Variants in FMN1 observed in about 807,000 individuals in gnomAD.
FMN1 encodes formin 1.
A neutral mutation model predicts 132.4 loss-of-function variants in FMN1; 110 were observed. That is an observed-to-expected ratio of 0.83 (90% CI 0.71 to 0.97). The LOEUF is 0.97. Ranked by LOEUF, FMN1 falls within the 50% of genes least tolerant of loss-of-function variation. The pLI is 0.00. For synonymous variants in FMN1, 722 were observed against 651.7 expected, an observed-to-expected ratio of 1.11 and a Z score of -1.64; for missense variants, 1,792 against 1,705.3, an observed-to-expected ratio of 1.05 and a Z score of -0.90.
At chr15:33,058,008 T>A (rs2037303270) in intron 6 of FMN1, among the ~76,000 whole-genome samples, 1 of 150,580 alleles carries the variant, frequency 6.6e-6, no homozygotes, top group Non-Finnish European at 1.5e-5. Context: ...TGGAAAGGCG[T>A]GGCGGGGCTG....
intron 12 of FMN1, among the ~76,000 whole-genome samples, chr15:32,904,626 A>G: frequency 6.6e-6 from 1 of 152,140 alleles, no homozygotes; most frequent in African/African-American, 2.4e-5. Flanking sequence ...TACTCCTAAG[A>G]GATGTTGTGA....
chr15:33,011,696 T>G (rs942594370), intron 6 of FMN1, among the ~76,000 whole-genome samples: 2 of 151,866 alleles, frequency 1.3e-5, no homozygotes, highest in Non-Finnish European at 2.9e-5. Flanking sequence ...GAGAATATAC[T>G]TGCAACACCA....
chr15:32,792,422 G>A (rs1357656161), intron 19 of FMN1, among the ~76,000 whole-genome samples: 1 of 151,682 alleles, frequency 6.6e-6, no homozygotes, highest in African/African-American at 2.4e-5. Context: ...TCCAGCCTGG[G>A]CGACAGAGCA....
Position 32,773,064 on chromosome 15 carries a change from C to T in FMN1, c.*1246G>A, listed in dbSNP as rs1182351666. 4 of 152,188 alleles carry T rather than the reference C, an allele frequency of 2.6e-5. No individual in the cohort carries two copies. The highest frequency in any genetic ancestry group is 2.6e-4 in the Admixed American group (4 of 15,280). The allele number at this position is 152,188 out of a possible 1,614,324, so 9.4% of individuals were successfully genotyped here. A position where few individuals can be genotyped will look rare whatever the true frequency, so the allele number is the denominator to read the frequency against. ...CATCTCCAGTCCTCTTTCTTCACCC[C>T]TCACAAGATTTCAGAGACGTGGCTT... On this transcript the variant is annotated 3_prime_UTR_variant, in exon 21 of 21. Transcript: ENST00000616417.
At chr15:33,138,248 T>C (rs1595554366) in intron 4 of FMN1, among the ~76,000 whole-genome samples, 1 of 152,298 alleles carries the variant, frequency 6.6e-6, no homozygotes, top group East Asian at 1.9e-4. Flanking sequence ...TGACTGCCTG[T>C]ACTTGAGGGA....
chr15:33,010,913 A>G (rs2034679954), intron 6 of FMN1, among the ~76,000 whole-genome samples: 1 of 151,434 alleles, frequency 6.6e-6, no homozygotes, highest in South Asian at 2.1e-4. Context: ...AAAAAAAAAA[A>G]TAAACGCAGA....
At chr15:33,079,048 C>G (rs1023070226) in intron 5 of FMN1, among the ~76,000 whole-genome samples, 6 of 152,154 alleles carry the variant, frequency 3.9e-5, no homozygotes, top group African/African-American at 1.4e-4. Context: ...TATTTCAATT[C>G]ACTTATATAC....
intron 5 of FMN1, chr15:33,066,690 C>G (rs369064215): frequency 6.2e-7 from 1 of 1,613,628 alleles, no homozygotes; most frequent in Non-Finnish European, 8.5e-7. Context: ...AGGGCTGTCT[C>G]TGGCGACTTT....
chr15:32,920,324 G>C (rs141028897), intron 10 of FMN1, among the ~76,000 whole-genome samples: 7 of 152,124 alleles, frequency 4.6e-5, no homozygotes, highest in Non-Finnish European at 8.8e-5. Flanking sequence ...GCAGTAAGTA[G>C]ATTACTTATT....
In FMN1 at chr15:32,768,306, A is replaced by C. The variant is rs747657281; in HGVS notation, c.*6004T>G. On this transcript the variant is annotated 3_prime_UTR_variant, in exon 21 of 21. Coordinates refer to ENST00000616417, the MANE Select transcript of FMN1 (RefSeq NM_001277313.2). ...AAAGCGAACCCAGTTAACAGTCAAA[A>C]ACACATTCGTTTCATAAGAGGAAAG... 2 of 152,214 alleles carry C rather than the reference A, an allele frequency of 1.3e-5. No homozygotes were observed. Among genetic ancestry groups the C allele is most frequent in the African/African-American group, 2.4e-5 (1 of 41,442 alleles). 9.4% of individuals were successfully genotyped at this position (152,214 alleles called of 1,614,324 possible).
chr15:32,994,913 AAACT>A (rs1288872605), intron 7 of FMN1, among the ~76,000 whole-genome samples: 2 of 152,198 alleles, frequency 1.3e-5, no homozygotes, highest in African/African-American at 4.8e-5. Context: ...TCTGTAAAAT[AAACT>A]AACAATGAGT....
intron 9 of FMN1, among the ~76,000 whole-genome samples, chr15:32,953,064 T>A (rs1287059238): frequency 1.3e-5 from 2 of 152,126 alleles, no homozygotes; most frequent in African/African-American, 4.8e-5. Context: ...GGCTAAGAAA[T>A]CCAGCTGGAA....
intron 4 of FMN1, among the ~76,000 whole-genome samples, chr15:33,124,562 G>A (rs572806444): frequency 1.8e-4 from 27 of 151,948 alleles, no homozygotes; most frequent in Admixed American, 1.0e-3. Context: ...TGAGTCATCG[G>A]AGTAGGAAAG....
At position 33,153,554 on chromosome 15, in the gene FMN1, G is replaced by A. The variant is rs917840063; in HGVS notation, c.1361C>T (p.Thr454Met). The A allele has an allele frequency of 4.6e-5, 70 of 1,536,146 alleles. No homozygotes were observed. In the African/African-American group the frequency reaches 8.1e-4, roughly 18 times the overall value. ...CAACCCGGCTCTCCTCTTGTTTCTC[G>A]TTTCTGGGCGAGTGTGAGGGACACT... Reference protein sequence around the residue: ...HTSVPHTRPETRNKRRAGLPL... With the variant: ...HTSVPHTRPEMRNKRRAGLPL... The change falls in exon 4 of 21, where the codon ACG (threonine) becomes ATG (methionine). Residue 454 changes from threonine to methionine, a missense_variant. Physicochemically the swap from Thr to Met is moderately conservative, Grantham distance 81. This residue lies in a region of FMN1 where 638 missense variants were observed against 645.2 expected (regional missense o/e 0.99). Coordinates refer to ENST00000616417, the MANE Select transcript of FMN1 (RefSeq NM_001277313.2).
chr15:32,991,874 C>G (rs1394297714), intron 7 of FMN1, among the ~76,000 whole-genome samples: 1 of 152,084 alleles, frequency 6.6e-6, no homozygotes, highest in Non-Finnish European at 1.5e-5. Context: ...AAGAGAACAA[C>G]CTCTTGATCT....
intron 2 of FMN1, among the ~76,000 whole-genome samples, chr15:33,180,832 C>G (rs563817066): frequency 6.7e-6 from 1 of 148,932 alleles, no homozygotes; most frequent in Non-Finnish European, 1.5e-5. Context: ...TCACTGCAAC[C>G]TCCCCCTCCA....
intron 9 of FMN1, among the ~76,000 whole-genome samples, chr15:32,949,988 TATATATACAC>T (rs1301335598): frequency 4.6e-4 from 25 of 53,768 alleles, no homozygotes; most frequent in African/African-American, 1.1e-3. Flanking sequence ...TACACACACA[TATATATACAC>T]ATACACATAT....
At chr15:33,101,431 C>T (rs373813514) in intron 4 of FMN1, among the ~76,000 whole-genome samples, 1 of 151,306 alleles carries the variant, frequency 6.6e-6, no homozygotes, top group Non-Finnish European at 1.5e-5. Flanking sequence ...ATGTAAGATA[C>T]ACTAACACTA....
In FMN1 at chr15:33,006,542, T is replaced by A. The variant is rs1053782261; in HGVS notation, c.2223+1472A>T. On this transcript the variant is annotated intron_variant, in intron 7 of 20. Transcript: ENST00000616417. ...CCTAGAAATCCCACTACTGGGTATA[T>A]ATTTAAAGGAAATGAAGTCAGTATG... is the stretch of plus-strand genomic sequence containing the variant. Among the ~76,000 whole-genome samples, 5 of 152,192 alleles carry A rather than the reference T, an allele frequency of 3.3e-5. No individual in the cohort carries two copies. In the East Asian group the frequency reaches 9.6e-4, roughly 29 times the overall value.
Sources: gnomAD v4.1 joint callset for allele counts (sites outside exome capture counted in the v4.1 genomes callset) on GRCh38, gnomAD v4.1.1 for gene constraint, gnomAD v4.1.1 regional missense constraint, MANE v1.5 for transcripts, NCBI Gene and HGNC (gene_info 2026-07-23, HGNC 2026-07-21) for gene names.